Variants in PDE4B observed in about 807,000 individuals in gnomAD.
PDE4B encodes phosphodiesterase 4B, also known as 3',5'-cyclic-AMP phosphodiesterase 4B.
A neutral mutation model predicts 82.2 loss-of-function variants in PDE4B; 20 were observed. The observed-to-expected ratio is 0.24, with a 90% CI of 0.17 to 0.35. The LOEUF is 0.35. Ranked by LOEUF, PDE4B falls within the 10% of genes least tolerant of loss-of-function variation. The pLI, the probability that PDE4B is intolerant of heterozygous loss-of-function variation, is 1.00. For missense variants in PDE4B, 655 were observed against 907.2 expected (o/e 0.72, Z 3.57); for synonymous variants, 320 against 318.9 (o/e 1.00, Z -0.04).
chr1:66,212,630 A>G (rs1301295439), intron 3 of PDE4B, among the ~76,000 whole-genome samples: 2 of 152,154 alleles, frequency 1.3e-5, no homozygotes, highest in Non-Finnish European at 2.9e-5. Context: ...CCCCACCAGA[A>G]TGTTAACTCC....
chr1:65,955,062 A>G (rs1169095891), intron 3 of PDE4B, among the ~76,000 whole-genome samples: 1 of 152,138 alleles, frequency 6.6e-6, no homozygotes, highest in African/African-American at 2.4e-5. Context: ...GAGACATAAG[A>G]AAACAGACGC....
chr1:66,156,567 T>C (rs1646505286), intron 3 of PDE4B, among the ~76,000 whole-genome samples: 1 of 151,968 alleles, frequency 6.6e-6, no homozygotes, highest in South Asian at 2.1e-4. Context: ...AATATCTCCA[T>C]CCTTAGACTC....
At chr1:66,274,075 A>G (rs1424097436) in intron 7 of PDE4B, among the ~76,000 whole-genome samples, 1 of 152,240 alleles carries the variant, frequency 6.6e-6, no homozygotes, top group Non-Finnish European at 1.5e-5. Context: ...CTCAAGTAGC[A>G]TATTGAATGG....
intron 1 of PDE4B, among the ~76,000 whole-genome samples, chr1:65,848,880 G>A (rs2101379165): frequency 6.6e-6 from 1 of 152,214 alleles, no homozygotes; most frequent in South Asian, 2.1e-4. Context: ...ATGGAAGGAA[G>A]TTTCTATTTC....
intron 8 of PDE4B, chr1:66,354,566 T>G: frequency 8.0e-7 from 1 of 1,244,358 alleles, no homozygotes. Flanking sequence ...GCTGAATACA[T>G]TTGGACAGGC....
chr1:65,970,797 A>G (rs1650088213), intron 3 of PDE4B, among the ~76,000 whole-genome samples: 1 of 152,186 alleles, frequency 6.6e-6, no homozygotes, highest in East Asian at 1.9e-4. Context: ...CAATGCATGT[A>G]TAACAAGCAG....
chr1:65,887,012 T>A (rs1646785685), intron 1 of PDE4B, among the ~76,000 whole-genome samples: 1 of 152,168 alleles, frequency 6.6e-6, no homozygotes, highest in South Asian at 2.1e-4. Flanking sequence ...TCACTTTTCT[T>A]CACATTCTCA....
intron 3 of PDE4B, among the ~76,000 whole-genome samples, chr1:66,225,622 A>G (rs17128563): frequency 0.044 from 6,735 of 152,310 alleles, 298 homozygotes; most frequent in African/African-American, 0.1. Flanking sequence ...GAATTCAACT[A>G]GATTTGGGCT....
intron 3 of PDE4B, among the ~76,000 whole-genome samples, chr1:66,002,081 C>A (rs1651896175): frequency 6.6e-6 from 1 of 152,112 alleles, no homozygotes; most frequent in African/African-American, 2.4e-5. Flanking sequence ...ATGGATGTCC[C>A]ACTTTATAGT....
At chr1:65,875,121 C>T (rs1194542878) in intron 1 of PDE4B, among the ~76,000 whole-genome samples, 1 of 151,928 alleles carries the variant, frequency 6.6e-6, no homozygotes, top group East Asian at 1.9e-4. Context: ...ACAAACAACC[C>T]CATCAAAAAG....
intron 7 of PDE4B, among the ~76,000 whole-genome samples, chr1:66,269,886 A>G (rs1655338224): frequency 6.6e-6 from 1 of 152,252 alleles, no homozygotes; most frequent in African/African-American, 2.4e-5. Context: ...GTAAAATAAT[A>G]TGTATCATGT....
At chr1:65,922,889 G>T (rs1237562798) in intron 3 of PDE4B, among the ~76,000 whole-genome samples, 1 of 152,092 alleles carries the variant, frequency 6.6e-6, no homozygotes, top group Non-Finnish European at 1.5e-5. Context: ...GCACATTAGG[G>T]ATGTGCCTGT....
At chr1:66,071,786 A>G (rs1656168184) in intron 3 of PDE4B, among the ~76,000 whole-genome samples, 1 of 151,928 alleles carries the variant, frequency 6.6e-6, no homozygotes, top group South Asian at 2.1e-4. Flanking sequence ...CGTGTTATCG[A>G]TAACCTTTGC....
chr1:65,873,541 C>T (rs1455671375), intron 1 of PDE4B, among the ~76,000 whole-genome samples: 1 of 152,162 alleles, frequency 6.6e-6, no homozygotes, highest in Non-Finnish European at 1.5e-5. Flanking sequence ...TTATCTTCTA[C>T]AATTATGTTG....
rs914107838 is a variant in PDE4B at position 65,977,919 on chromosome 1, C to T, written c.281+59084C>T. Among the ~76,000 whole-genome samples, 3 of 152,160 alleles carry T rather than the reference C, an allele frequency of 2.0e-5. No individual in the cohort carries two copies. In the South Asian group the frequency reaches 6.2e-4, roughly 32 times the overall value. ...ATATTTTTAAATGAATGTGATAATA[C>T]TTAGAGCATATTTTACATCCTGCAA... On this transcript the variant is annotated intron_variant, in intron 3 of 16. Transcript: ENST00000341517.
rs567570487 is a variant in PDE4B, at chr1:65,833,299, C to T, written c.-71+40051C>T. The stretch of plus-strand genomic sequence containing the variant: ...TATATAAAGAGATAAATTATGCAAC[C>T]GCTTTGTTAGAAGCAAAGCTGCACT... On this transcript the variant is annotated intron_variant, in intron 1 of 16. Coordinates refer to ENST00000341517, the MANE Select transcript of PDE4B (RefSeq NM_002600.4). 9.5e-4 allele frequency among the ~76,000 whole-genome samples: 144 copies of T among 152,260 alleles called. 1 individual carries two copies. Among genetic ancestry groups the T allele is most frequent in the South Asian group, 1.9e-3 (9 of 4,820 alleles).
intron 3 of PDE4B, among the ~76,000 whole-genome samples, chr1:66,188,154 T>A (rs1296024228): frequency 6.6e-6 from 1 of 151,972 alleles, no homozygotes; most frequent in Non-Finnish European, 1.5e-5. Flanking sequence ...TTTGAGTGAG[T>A]TTCTTAATCC....
intron 1 of PDE4B, among the ~76,000 whole-genome samples, chr1:65,865,613 C>A (rs546227953): frequency 6.6e-6 from 1 of 152,248 alleles, no homozygotes; most frequent in Admixed American, 6.5e-5. Context: ...CAGTCCCTCA[C>A]GGCTTCCTTT....
chr1:66,196,242 C>T (rs1480782586), intron 3 of PDE4B, among the ~76,000 whole-genome samples: 1 of 152,188 alleles, frequency 6.6e-6, no homozygotes, highest in Non-Finnish European at 1.5e-5. Context: ...GGTTTAGGCC[C>T]ACCTGTGCCA....
Sources: allele counts gnomAD v4.1 joint callset (sites outside exome capture counted in the v4.1 genomes callset), GRCh38; gene constraint gnomAD v4.1.1; transcripts MANE v1.5; gene names NCBI Gene and HGNC (gene_info 2026-07-23, HGNC 2026-07-21).